RTN3: variants seen among roughly 807,000 people sequenced by gnomAD.
RTN3 encodes reticulon 3, also known as reticulon-3.
A neutral mutation model predicts 77.8 loss-of-function variants in RTN3; 49 were observed. The ratio of observed to expected loss-of-function variants is 0.63; its 90% confidence interval spans 0.50 to 0.80. The LOEUF (loss-of-function observed/expected upper bound fraction) is 0.80, where lower values mean the gene tolerates loss of function less well. Ranked by LOEUF, RTN3 falls within the 30% of genes least tolerant of loss-of-function variation. The pLI is 0.00. For missense variants in RTN3, 1,236 were observed against 1,211.9 expected (o/e 1.02, Z -0.29); for synonymous variants, 464 against 446.9 (o/e 1.04, Z -0.48).
intron 1 of RTN3, among the ~76,000 whole-genome samples, chr11:63,686,048 A>G (rs1941352850): frequency 1.3e-5 from 2 of 152,178 alleles, no homozygotes; most frequent in South Asian, 4.1e-4. Flanking sequence ...GGTTGAGGTA[A>G]AAGAGACTGA....
chr11:63,739,006 T>C (rs969666764), intron 3 of RTN3, among the ~76,000 whole-genome samples: 2 of 152,186 alleles, frequency 1.3e-5, no homozygotes, highest in African/African-American at 4.8e-5. Context: ...AAGAAATAGA[T>C]ACTTTAATAA....
At position 63,704,867 on chromosome 11, in the gene RTN3, C is replaced by T. The variant is rs781616672; in HGVS notation, c.159C>T (p.Ser53=). ...SSSCADSFVS[S]SSSQPVSLFS... The stretch of plus-strand genomic sequence containing the variant: ...TTCTTTCAGATTCCTTTGTTTCTTC[C>T]TCTTCCTCTCAGCCTGTATCTCTAT... Residue 53 remains serine, a synonymous_variant, in exon 2 of 9, where the codon TCC becomes TCT. Transcript: ENST00000377819. 6 of 1,611,392 alleles carry T rather than the reference C, an allele frequency of 3.7e-6. No homozygotes were observed. Among genetic ancestry groups the T allele is most frequent in the African/African-American group, 1.3e-5 (1 of 74,860 alleles).
intron 3 of RTN3, among the ~76,000 whole-genome samples, chr11:63,736,214 C>G (rs926139493): frequency 7.9e-5 from 12 of 152,080 alleles, no homozygotes; most frequent in Admixed American, 6.6e-4. Context: ...CTGGGGAAAT[C>G]ATGCTCAGCT....
intron 2 of RTN3, among the ~76,000 whole-genome samples, chr11:63,715,330 G>A (rs2011328682): frequency 6.6e-6 from 1 of 152,150 alleles, no homozygotes; most frequent in African/African-American, 2.4e-5. Flanking sequence ...TAAGATGACA[G>A]ATCTGAATCA....
intron 3 of RTN3, among the ~76,000 whole-genome samples, chr11:63,749,198 G>A (rs1312912978): frequency 7.9e-5 from 12 of 152,296 alleles, no homozygotes; most frequent in African/African-American, 2.6e-4. Context: ...AGGCTTGCTT[G>A]AACCCAGGAG....
chr11:63,719,316 T>G lies in RTN3; in HGVS notation c.814T>G (p.Phe272Val). The change falls in exon 3 of 9, where the codon TTT becomes GTT. Residue 272 changes from phenylalanine (F) to valine (V), a missense_variant. By Grantham distance (50) the Phe-to-Val change is conservative. Transcript: ENST00000377819. ...KDSYKESTDD[F>V]GSWSVHTDKE... ...CTCATATAAGGAGAGCACAGATGAT[T>G]TTGGTAGCTGGTCTGTGCACACTGA... 1.9e-6 allele frequency: 3 copies of G among 1,614,068 alleles called. No homozygotes were observed. Among genetic ancestry groups the G allele is most frequent in the Non-Finnish European group, 2.5e-6 (3 of 1,179,998 alleles).
rs796693243 is a variant in RTN3, at chr11:63,683,325, G to C, written c.142+1547G>C. ...CGACTTCCTTATAACTTAGCAACTT[G>C]ATCTTTTTGCTTTAATCACTTGTCA... On this transcript the variant is annotated intron_variant, in intron 1 of 8. Transcript: ENST00000377819. Among the ~76,000 whole-genome samples, 7 of 152,170 alleles carry C rather than the reference G, an allele frequency of 4.6e-5. No individual in the cohort carries two copies. In the South Asian group the frequency reaches 1.2e-3, roughly 27 times the overall value.
At chr11:63,735,600 C>CTCTCTT (rs2013062419) in intron 3 of RTN3, among the ~76,000 whole-genome samples, 1 of 147,054 alleles carries the variant, frequency 6.8e-6, no homozygotes, top group African/African-American at 2.6e-5. Flanking sequence ...CTCTCTCTCT[C>CTCTCTT]TTTCTTTCAA....
chr11:63,724,484 CTTTTTTTTTTTTTT>C (rs34237318), intron 3 of RTN3, among the ~76,000 whole-genome samples: 1 of 81,758 alleles, frequency 1.2e-5, no homozygotes, highest in East Asian at 3.1e-4. Flanking sequence ...GTGCCCGGCC[CTTTTTTTTTTTTTT>C]TTTTTTTTTT....
intron 1 of RTN3, among the ~76,000 whole-genome samples, chr11:63,694,003 C>G (rs142799516): frequency 1.0e-3 from 154 of 152,000 alleles, no homozygotes; most frequent in African/African-American, 3.4e-3. Flanking sequence ...GCCTGTAGTC[C>G]CAGCTCCTTA....
At chr11:63,704,929 G>T in intron 2 of RTN3, 22 bp downstream of exon 2, 1 of 1,578,332 alleles carries the variant, frequency 6.3e-7, no homozygotes, top group Non-Finnish European at 8.7e-7. Context: ...ATTTTTTTGT[G>T]TGCATTGGTA....
intron 8 of RTN3, 65 bp from the exon 9 acceptor site, chr11:63,758,086 TTAAAA>T: frequency 5.3e-6 from 6 of 1,132,552 alleles, no homozygotes; most frequent in Non-Finnish European, 7.7e-6. Flanking sequence ...AGCATCACAG[TTAAAA>T]TAAAAACCTA....
intron 1 of RTN3, among the ~76,000 whole-genome samples, chr11:63,688,204 G>T: frequency 6.7e-6 from 1 of 149,850 alleles, no homozygotes; most frequent in South Asian, 2.1e-4. Flanking sequence ...TATTCTCCAA[G>T]AATAAGAAGT....
At chr11:63,713,231 C>A (rs974546141) in intron 2 of RTN3, among the ~76,000 whole-genome samples, 2 of 152,058 alleles carry the variant, frequency 1.3e-5, no homozygotes, top group Non-Finnish European at 2.9e-5. Context: ...GATGAGTAAT[C>A]ATGGAGCTGA....
At chr11:63,743,076 T>C (rs146838737) in intron 3 of RTN3, among the ~76,000 whole-genome samples, 1,795 of 152,222 alleles carry the variant, frequency 0.012, 40 homozygotes, top group African/African-American at 0.041. Context: ...ATTTTTTGTA[T>C]ATTTAGTAGA....
chr11:63,716,086 G>A (rs1176291142), intron 2 of RTN3, among the ~76,000 whole-genome samples: 1 of 152,158 alleles, frequency 6.6e-6, no homozygotes, highest in Non-Finnish European at 1.5e-5. Context: ...AGCTTTTACA[G>A]TTTTCCTTGA....
chr11:63,716,939 A>G (rs573939061), intron 2 of RTN3, among the ~76,000 whole-genome samples: 35 of 141,282 alleles, frequency 2.5e-4, no homozygotes, highest in Non-Finnish European at 4.1e-4. Context: ...ACTACACTCC[A>G]GCCTGGGCGA....
chr11:63,684,109 G>A (rs1225676912), intron 1 of RTN3, among the ~76,000 whole-genome samples: 5 of 137,744 alleles, frequency 3.6e-5, no homozygotes, highest in East Asian at 2.1e-4. Context: ...GTGCCACCAC[G>A]CGTGGTTAAT....
At chr11:63,741,798 G>A (rs753181870) in intron 3 of RTN3, among the ~76,000 whole-genome samples, 4 of 152,086 alleles carry the variant, frequency 2.6e-5, no homozygotes, top group Non-Finnish European at 4.4e-5. Context: ...ACTGCGCCTG[G>A]CCTGAAATAA....
Sources: gnomAD v4.1 joint callset for allele counts (sites outside exome capture counted in the v4.1 genomes callset) on GRCh38, gnomAD v4.1.1 for gene constraint, MANE v1.5 for transcripts, NCBI Gene and HGNC (gene_info 2026-07-23, HGNC 2026-07-21) for gene names.